PDS5A: variants seen among roughly 807,000 people sequenced by gnomAD.
PDS5A encodes the protein sister chromatid cohesion protein PDS5 homolog A.
PDS5A carries 42 observed loss-of-function variants against 167.1 expected under a neutral mutation model. The ratio of observed to expected loss-of-function variants is 0.25; its 90% CI spans 0.20 to 0.33. The LOEUF is 0.33. PDS5A is among the 10% of genes least tolerant of loss of function. The pLI is 1.00. For missense variants in PDS5A, 1,033 were observed against 1,605.9 expected (o/e 0.64, Z 6.10); for synonymous variants, 553 against 554.6 (o/e 1.00, Z 0.04).
chr4:39,905,009 G>C (rs1053475397), intron 11 of PDS5A, among the ~76,000 whole-genome samples: 2 of 152,172 alleles, frequency 1.3e-5, no homozygotes, highest in Admixed American at 6.5e-5. Context: ...TCACTATCAA[G>C]AATTCTGGGC....
chr4:39,906,924 A>AT, intron 11 of PDS5A, among the ~76,000 whole-genome samples: 1 of 149,914 alleles, frequency 6.7e-6, no homozygotes, highest in South Asian at 2.1e-4. Context: ...ACATAAAAAA[A>AT]AAAAAAAAAA....
chr4:39,896,878 A>G (rs1722461396), intron 16 of PDS5A, among the ~76,000 whole-genome samples: 1 of 151,868 alleles, frequency 6.6e-6, no homozygotes, highest in Non-Finnish European at 1.5e-5. Context: ...ACTAGGTGAT[A>G]GGAATCCTTC....
chr4:39,841,865 G>T, intron 31 of PDS5A, 83 bp downstream of exon 31: 1 of 732,310 alleles, frequency 1.4e-6, no homozygotes, highest in Non-Finnish European at 2.4e-6. Context: ...GCATTGAAGT[G>T]TTGGCTGTAG....
intron 28 of PDS5A, chr4:39,848,606 TA>T (rs1292276124): frequency 4.9e-6 from 2 of 409,812 alleles, no homozygotes; most frequent in Non-Finnish European, 8.7e-6. Flanking sequence ...AAAATAATTT[TA>T]AAAATCTGAA....
chr4:39,955,738 G>A (rs1036796692), intron 2 of PDS5A, among the ~76,000 whole-genome samples: 9 of 152,036 alleles, frequency 5.9e-5, no homozygotes, highest in Non-Finnish European at 1.0e-4. Context: ...TGAGTCCAGG[G>A]GGTTTGTTGG....
At chr4:39,922,976 A>T (rs939974086) in intron 5 of PDS5A, among the ~76,000 whole-genome samples, 6 of 152,138 alleles carry the variant, frequency 3.9e-5, no homozygotes, top group Non-Finnish European at 8.8e-5. Context: ...TTTTATAAAA[A>T]CAAAGACAAA....
intron 32 of PDS5A, among the ~76,000 whole-genome samples, chr4:39,831,171 C>T (rs975003131): frequency 6.6e-5 from 10 of 152,178 alleles, no homozygotes; most frequent in African/African-American, 2.4e-4. Context: ...TCACTGCAAC[C>T]TCCGCCTCCC....
At chr4:39,904,466 G>A (rs1426630356) in intron 11 of PDS5A, among the ~76,000 whole-genome samples, 1 of 152,104 alleles carries the variant, frequency 6.6e-6, no homozygotes, top group Non-Finnish European at 1.5e-5. Flanking sequence ...AGCCTCCCAA[G>A]TAGCTGGGAC....
At chr4:39,851,486 C>T (rs148142107) in intron 26 of PDS5A, among the ~76,000 whole-genome samples, 56 of 152,164 alleles carry the variant, frequency 3.7e-4, no homozygotes, top group African/African-American at 1.3e-3. Context: ...GCTGGGGTTT[C>T]GCCAGGTTGC....
intron 32 of PDS5A, among the ~76,000 whole-genome samples, chr4:39,832,754 C>T (rs986135553): frequency 1.3e-5 from 2 of 152,184 alleles, no homozygotes; most frequent in Admixed American, 6.5e-5. Flanking sequence ...ACTTGGGAGG[C>T]TGAGGCAAGA....
chr4:39,846,000 T>C, intron 28 of PDS5A, 120 bp from the exon 29 acceptor site: 1 of 805,416 alleles, frequency 1.2e-6, no homozygotes, highest in Non-Finnish European at 1.7e-6. Context: ...ACACTTGTGC[T>C]AACACATATA....
intron 17 of PDS5A, among the ~76,000 whole-genome samples, chr4:39,885,724 G>A (rs963219065): frequency 3.3e-5 from 5 of 152,144 alleles, no homozygotes; most frequent in African/African-American, 4.8e-5. Context: ...AGACCAGCCT[G>A]GACGGCATGG....
intron 22 of PDS5A, 84 bp downstream of exon 22, chr4:39,869,310 A>G: frequency 2.3e-6 from 2 of 852,448 alleles, no homozygotes. Context: ...ATCTCTGTTT[A>G]TTAAATTTTT....
chr4:39,879,939 G>A, intron 17 of PDS5A, 106 bp from the exon 18 acceptor site: 1 of 616,132 alleles, frequency 1.6e-6, no homozygotes, highest in Non-Finnish European at 2.7e-6. Flanking sequence ...AAATTCAAAG[G>A]AGTTTCTGTG....
At chr4:39,938,372 T>C (rs1726853417) in intron 2 of PDS5A, among the ~76,000 whole-genome samples, 1 of 152,150 alleles carries the variant, frequency 6.6e-6, no homozygotes, top group South Asian at 2.1e-4. Context: ...CTGGCCAACA[T>C]GGTGAAAACC....
At chr4:39,937,125 A>C (rs181079338) in intron 2 of PDS5A, among the ~76,000 whole-genome samples, 1 of 152,186 alleles carries the variant, frequency 6.6e-6, no homozygotes, top group South Asian at 2.1e-4. Context: ...CATGAATGAT[A>C]AAATCAAGAC....
intron 32 of PDS5A, 82 bp downstream of exon 32, chr4:39,837,774 T>C (rs918180457): frequency 1.1e-5 from 11 of 991,944 alleles, no homozygotes; most frequent in Non-Finnish European, 1.6e-5. Flanking sequence ...GCTTAGGTGT[T>C]TGGGGTGACT....
chr4:39,853,383 T>A (rs1718278707), intron 26 of PDS5A, among the ~76,000 whole-genome samples: 1 of 152,182 alleles, frequency 6.6e-6, no homozygotes, highest in African/African-American at 2.4e-5. Flanking sequence ...AAATTTAAAA[T>A]TTTTAGCTTG....
chr4:39,943,744 T>G (rs1344394986), intron 2 of PDS5A, among the ~76,000 whole-genome samples: 2 of 151,576 alleles, frequency 1.3e-5, no homozygotes, highest in African/African-American at 4.9e-5. Context: ...GAGGCGGCGG[T>G]TGCAGTGAGC....
Sources: gnomAD v4.1 joint callset for allele counts (sites outside exome capture counted in the v4.1 genomes callset) on GRCh38, gnomAD v4.1.1 for gene constraint, MANE v1.5 for transcripts, NCBI Gene and HGNC (gene_info 2026-07-23, HGNC 2026-07-21) for gene names.